Variants in DDX60L observed in about 807,000 individuals in gnomAD.
DDX60L encodes probable ATP-dependent RNA helicase DDX60-like.
DDX60L carries 191 observed loss-of-function variants against 211.6 expected under a neutral mutation model. That is an observed-to-expected ratio of 0.90 (90% CI 0.80 to 1.02). The LOEUF (loss-of-function observed/expected upper bound fraction) is 1.02. Among genes scored for constraint, DDX60L ranks in the 50% least tolerant of loss-of-function variants. The probability of loss-of-function intolerance (pLI) is 0.00; values close to 1 mark genes in which losing one functional copy is unlikely to be tolerated. For missense variants in DDX60L, 2,007 were observed against 1,984.1 expected, an observed-to-expected ratio of 1.01 and a Z score of -0.22; for synonymous variants, 706 against 694.1, an observed-to-expected ratio of 1.02 and a Z score of -0.27.
At chr4:168,414,886 G>A (rs1475808929) in intron 22 of DDX60L, among the ~76,000 whole-genome samples, 1 of 150,978 alleles carries the variant, frequency 6.6e-6, no homozygotes, top group African/African-American at 2.4e-5. Context: ...GGGTGGAAGA[G>A]GGAATGGTTA....
intron 2 of DDX60L, 72 bp from the exon 3 acceptor site, chr4:168,472,596 A>G (rs562330487): frequency 3.8e-6 from 6 of 1,578,746 alleles, no homozygotes; most frequent in Admixed American, 1.7e-5. Context: ...TATTAAGGAA[A>G]TGAAATATAG....
At chr4:168,451,492 G>C (rs953394470) in intron 8 of DDX60L, among the ~76,000 whole-genome samples, 1 of 152,080 alleles carries the variant, frequency 6.6e-6, no homozygotes, top group African/African-American at 2.4e-5. Flanking sequence ...CCTTAACCCT[G>C]TCAGTTTCAA....
intron 28 of DDX60L, among the ~76,000 whole-genome samples, chr4:168,394,151 G>A (rs1255147185): frequency 6.6e-6 from 1 of 151,108 alleles, no homozygotes; most frequent in East Asian, 1.9e-4. Flanking sequence ...AGCCAAGATC[G>A]CGCCACTGCA....
intron 1 of DDX60L, among the ~76,000 whole-genome samples, chr4:168,478,606 C>T (rs2150177469): frequency 6.6e-6 from 1 of 152,248 alleles, no homozygotes; most frequent in East Asian, 1.9e-4. Flanking sequence ...GAGATTTCCA[C>T]CCACATCAAC....
At position 168,419,316 on chromosome 4, in the gene DDX60L, C is replaced by A. The variant is rs1014056315; in HGVS notation, c.2596G>T (p.Val866Phe). ...ACCAAACCTACCTCATCAAATATAA[C>A]ATATCTGATCCTTTCCACCCATTTT... ...RQKWVERIRY[V>F]IFDEVHYLGR... Residue 866 changes from valine to phenylalanine, a missense_variant, in exon 19 of 38, where the codon GTT (valine) becomes TTT (phenylalanine). Coordinates refer to ENST00000682922, the MANE Select transcript of DDX60L (RefSeq NM_001012967.3). 1 of 1,594,728 alleles carries A rather than the reference C, an allele frequency of 6.3e-7. No homozygotes were observed. The highest frequency in any genetic ancestry group is 1.7e-4 in the Middle Eastern group (1 of 5,946).
In DDX60L at chr4:168,441,418, T is replaced by C. The variant is rs2149996925; in HGVS notation, c.1213A>G (p.Lys405Glu). 6.2e-7 allele frequency: 1 copy of C among 1,613,194 alleles called. No individual in the cohort carries two copies. Among genetic ancestry groups the C allele is most frequent in the Non-Finnish European group, 8.5e-7 (1 of 1,179,572 alleles). The change falls in exon 10 of 38, where the codon AAA becomes GAA. Residue 405 changes from lysine (K) to glutamate (E), a missense_variant. By Grantham distance (56) the Lys-to-Glu change is moderately conservative (BLOSUM62 1). Coordinates refer to ENST00000682922, the MANE Select transcript of DDX60L (RefSeq NM_001012967.3). ...AAAGACTTTCCAACGTTAAATTCTT[T>C]AACCAGGTGTGACACAACATTCCAC... is the stretch of plus-strand genomic sequence containing the variant. Reference protein sequence around the residue: ...DLWNVVSHLVKEFNVGKSFPL... With the variant: ...DLWNVVSHLVEEFNVGKSFPL...
chr4:168,423,733 T>G lies in DDX60L; in HGVS notation c.1972A>C (p.Lys658Gln). The G allele has an allele frequency of 6.2e-7, 1 of 1,604,220 alleles. No homozygotes were observed. The highest frequency in any genetic ancestry group is 8.5e-7 in the Non-Finnish European group (1 of 1,176,900). The change falls in exon 15 of 38, where the codon AAA (lysine) becomes CAA (glutamine). Residue 658 changes from lysine (K) to glutamine (Q), a missense_variant. Coordinates refer to ENST00000682922, the MANE Select transcript of DDX60L (RefSeq NM_001012967.3). ...CTCTCCAGGAGTGAATGAATCCTTTTCATCATTTGAACAGCTATACTTAAA... is the reference window on the plus strand; with the variant it reads ...CTCTCCAGGAGTGAATGAATCCTTTGCATCATTTGAACAGCTATACTTAAA... ...KDLSIAVQMM[K>Q]RIHSLLERYP...
intron 4 of DDX60L, chr4:168,468,982 A>G (rs1201457573): frequency 6.6e-6 from 1 of 152,254 alleles, no homozygotes; most frequent in Admixed American, 6.5e-5. Flanking sequence ...ACAGAGATAC[A>G]TATTGTGTTC....
At position 168,458,660 on chromosome 4, in the gene DDX60L, G is replaced by A. The variant is rs138558636; in HGVS notation, c.607-652C>T. On this transcript the variant is annotated intron_variant, in intron 5 of 37. Coordinates refer to ENST00000682922, the MANE Select transcript of DDX60L (RefSeq NM_001012967.3). ...ACACACTAGGGCCTGTTGGGGGAAC[G>A]GGGGAGGGAGAGCATCAGGATAAAT... Among the ~76,000 whole-genome samples the A allele has an allele frequency of 1.6e-3, 251 of 152,230 alleles. 2 individuals carry two copies. The highest frequency in any genetic ancestry group is 5.6e-3 in the African/African-American group (232 of 41,528).
chr4:168,369,759 A>T (rs1740665841), intron 36 of DDX60L, among the ~76,000 whole-genome samples: 2 of 152,190 alleles, frequency 1.3e-5, no homozygotes, highest in East Asian at 1.9e-4. Context: ...TGGGCAAAAA[A>T]CTTTAATAGA....
chr4:168,461,006 A>G (rs79999422), intron 5 of DDX60L, among the ~76,000 whole-genome samples: 4,075 of 152,186 alleles, frequency 0.027, 176 homozygotes, highest in African/African-American at 0.09. Context: ...CCCCAGTAAC[A>G]CCCTGGGTGC....
At chr4:168,424,947 T>C (rs1037319571) in intron 14 of DDX60L, among the ~76,000 whole-genome samples, 1 of 152,228 alleles carries the variant, frequency 6.6e-6, no homozygotes, top group Non-Finnish European at 1.5e-5. Context: ...CCTCCTTCCA[T>C]AGAAGAAATA....
chr4:168,474,896 G>A (rs891430495), intron 1 of DDX60L, among the ~76,000 whole-genome samples: 1 of 151,958 alleles, frequency 6.6e-6, no homozygotes, highest in Admixed American at 6.5e-5. Context: ...TGAATCCCTG[G>A]ATTAAAAAGG....
At chr4:168,371,479 T>A (rs149298591) in intron 36 of DDX60L, 133 bp downstream of exon 36, 3,280 of 296,066 alleles carry the variant, frequency 0.011, 29 homozygotes, top group Non-Finnish European at 0.015. Flanking sequence ...TAAAAATATA[T>A]AATATAAATT....
Position 168,400,955 on chromosome 4 carries a change from T to C in DDX60L, c.3362A>G (p.Lys1121Arg). 1 of 1,613,838 alleles carries C rather than the reference T, an allele frequency of 6.2e-7. No homozygotes were observed. The highest frequency in any genetic ancestry group is 1.1e-5 in the South Asian group (1 of 91,030). ...AAAAGTGCACACACTTCCAGCTCTT[T>C]TTCCCACATCATCATTCTTAAACCT... The part of the protein sequence containing the change: ...FFLFKNDDVG[K>R]RAGSVCTFLE... The change falls in exon 26 of 38, where the codon AAA (lysine) becomes AGA (arginine). Residue 1121 changes from lysine (K) to arginine (R), a missense_variant. Lys to Arg is a conservative substitution (Grantham distance 26). Coordinates refer to ENST00000682922, the MANE Select transcript of DDX60L (RefSeq NM_001012967.3).
At chr4:168,462,122 G>A in intron 4 of DDX60L, 82 bp from the exon 5 acceptor site, 1 of 1,051,916 alleles carries the variant, frequency 9.5e-7, no homozygotes, top group Non-Finnish European at 1.4e-6. Flanking sequence ...ACAGCACAAA[G>A]CTATACAGGA....
At chr4:168,400,352 A>T (rs1170442602) in intron 26 of DDX60L, among the ~76,000 whole-genome samples, 3 of 152,130 alleles carry the variant, frequency 2.0e-5, no homozygotes, top group African/African-American at 7.2e-5. Context: ...TTTACAACAG[A>T]ATGATTTATA....
At position 168,454,758 on chromosome 4, in the gene DDX60L, CTTTT is replaced by C. The variant is rs767461447; in HGVS notation, c.837+1277_837+1280del. ...GTGCTCCCGAAGAGTAAACAGCTTC[CTTTT>C]TTTTTTTTTTTTTTTTTAGCAGCTA... On this transcript the variant is annotated intron_variant, in intron 7 of 37. Transcript: ENST00000682922. 5.6e-4 allele frequency among the ~76,000 whole-genome samples: 50 copies of C among 88,628 alleles called. 3 individuals carry two copies. The highest frequency in any genetic ancestry group is 1.3e-3 in the African/African-American group (26 of 20,680). The allele number at this position is 88,628 out of a possible 152,430, so 58.1% of individuals were successfully genotyped here. A position where few individuals can be genotyped will look rare whatever the true frequency, so the allele number is the denominator to read the frequency against.
chr4:168,445,332 G>T (rs1754602288), intron 9 of DDX60L, among the ~76,000 whole-genome samples: 1 of 125,352 alleles, frequency 8.0e-6, no homozygotes, highest in Admixed American at 9.0e-5. Context: ...AAACCAGGAA[G>T]AAGTTGAAAC....
Sources: gnomAD v4.1 joint callset for allele counts (sites outside exome capture counted in the v4.1 genomes callset) on GRCh38, gnomAD v4.1.1 for gene constraint, MANE v1.5 for transcripts, NCBI Gene and HGNC (gene_info 2026-07-23, HGNC 2026-07-21) for gene names.